The following MAPRE2 variants were observed in gnomAD, a reference collection of about 807,000 sequenced individuals.
MAPRE2 encodes microtubule-associated protein RP/EB family member 2.
MAPRE2 carries 13 observed loss-of-function variants against 43.2 expected under a neutral mutation model. That is an observed-to-expected ratio of 0.30 (90% CI 0.20 to 0.48). The LOEUF is 0.48. Among genes scored for constraint, MAPRE2 ranks in the 20% least tolerant of loss-of-function variants. The pLI is 0.99. For missense variants in MAPRE2, 161 were observed against 400.2 expected, an observed-to-expected ratio of 0.40 and a Z score of 5.10; for synonymous variants, 135 against 148.8, an observed-to-expected ratio of 0.91 and a Z score of 0.68.
intron 1 of MAPRE2, among the ~76,000 whole-genome samples, chr18:34,995,142 A>G (rs1379704916): frequency 6.6e-6 from 1 of 152,188 alleles, no homozygotes; most frequent in African/African-American, 2.4e-5. Flanking sequence ...CTCAGTTTGA[A>G]AATGCAAGTG....
chr18:35,103,790 A>G lies in MAPRE2; in HGVS notation c.610+1631A>G, dbSNP rs535962070. On this transcript the variant is annotated intron_variant, in intron 4 of 6. Coordinates refer to ENST00000300249, the MANE Select transcript of MAPRE2 (RefSeq NM_014268.4). Reference sequence around the variant, plus strand: ...AAGGTAGGGAGCATAATGGTCAACAATGTCTACATCTGCTGAGAAGTCAAG... The same window carrying G: ...AAGGTAGGGAGCATAATGGTCAACAGTGTCTACATCTGCTGAGAAGTCAAG... 1.7e-4 allele frequency among the ~76,000 whole-genome samples: 26 copies of G among 152,314 alleles called. No individual in the cohort carries two copies. In the East Asian group the frequency reaches 4.4e-3, roughly 26 times the overall value.
intron 1 of MAPRE2, among the ~76,000 whole-genome samples, chr18:34,979,742 G>A (rs189900527): frequency 2.1e-4 from 32 of 152,142 alleles, no homozygotes; most frequent in African/African-American, 7.7e-4. Context: ...AATAGAAATG[G>A]TTACACTTAA....
chr18:35,133,845 G>A (rs888029718), intron 6 of MAPRE2, among the ~76,000 whole-genome samples: 1 of 152,102 alleles, frequency 6.6e-6, no homozygotes. Flanking sequence ...TTTCCAGGGG[G>A]TCTACCTAGA....
intron 6 of MAPRE2, among the ~76,000 whole-genome samples, chr18:35,133,651 C>T (rs1910263132): frequency 6.6e-6 from 1 of 152,214 alleles, no homozygotes; most frequent in African/African-American, 2.4e-5. Context: ...TTCTTCCCAG[C>T]CCTGCACTTC....
intron 4 of MAPRE2, among the ~76,000 whole-genome samples, chr18:35,104,714 T>C (rs1242611483): frequency 6.6e-6 from 1 of 152,074 alleles, no homozygotes; most frequent in Admixed American, 6.6e-5. Flanking sequence ...TTGATGGCAG[T>C]TTAGATAGGC....
chr18:35,136,604 C>G (rs1910402097), intron 6 of MAPRE2, among the ~76,000 whole-genome samples: 1 of 152,148 alleles, frequency 6.6e-6, no homozygotes, highest in Non-Finnish European at 1.5e-5. Context: ...AGCTCTAGAG[C>G]TAAGGTAGGG....
intron 1 of MAPRE2, among the ~76,000 whole-genome samples, chr18:34,979,901 T>C (rs2150568283): frequency 6.6e-6 from 1 of 152,248 alleles, no homozygotes; most frequent in South Asian, 2.1e-4. Context: ...AAAACAAACT[T>C]TCTTTTTCTT....
Position 35,064,000 on chromosome 18 carries a change from TAAAAA to T in MAPRE2, c.123-6166_123-6162del, listed in dbSNP as rs575347953. On this transcript the variant is annotated intron_variant, in intron 1 of 6. Coordinates refer to ENST00000300249, the MANE Select transcript of MAPRE2 (RefSeq NM_014268.4). ...ACTGCCGAGTGAGACCCTGTCTCTT[TAAAAA>T]AAAAAAAAAAAAAAAAAAAAAAAAA... Among the ~76,000 whole-genome samples the T allele has an allele frequency of 5.6e-3, 189 of 33,954 alleles. 1 individual carries two copies. The highest frequency in any genetic ancestry group is 0.039 in the South Asian group (22 of 564). 22.3% of individuals were successfully genotyped at this position (33,954 alleles called of 152,430 possible).
At chr18:35,113,436 C>T (rs1197417108) in intron 4 of MAPRE2, among the ~76,000 whole-genome samples, 5 of 151,994 alleles carry the variant, frequency 3.3e-5, no homozygotes, top group Non-Finnish European at 7.4e-5. Context: ...ATTATTTTGG[C>T]TTTCTGGGTC....
intron 5 of MAPRE2, among the ~76,000 whole-genome samples, chr18:35,128,620 G>A (rs1910010659): frequency 6.6e-6 from 1 of 152,192 alleles, no homozygotes; most frequent in South Asian, 2.1e-4. Flanking sequence ...ATGCCATCTT[G>A]TATCGTCTTA....
In MAPRE2 at chr18:35,092,930, G is replaced by A. The variant is rs75183406; in HGVS notation, c.251-4516G>A. Among the ~76,000 whole-genome samples the A allele has an allele frequency of 2.8e-3, 427 of 152,210 alleles. 3 individuals carry two copies. Among genetic ancestry groups the A allele is most frequent in the African/African-American group, 0.01 (416 of 41,550 alleles). ...ATTAGAATGGCTATTATCAAAAAGA[G>A]GCCAGGCGCAGTGGCTCATGCCTGT... On this transcript the variant is annotated intron_variant, in intron 2 of 6. Transcript: ENST00000300249.
chr18:34,978,112 A>G lies in MAPRE2; in HGVS notation c.-70+1033A>G, dbSNP rs114910913. Reference sequence around the variant, plus strand: ...TCGCTGGGTCAGTAGCGCTGGGAGTAATTAATATTACGAACATTAGCCTTT... The same window carrying G: ...TCGCTGGGTCAGTAGCGCTGGGAGTGATTAATATTACGAACATTAGCCTTT... On this transcript the variant is annotated intron_variant, in intron 1 of 7. Coordinates refer to the MAPRE2 transcript ENST00000413393. 341 of 262,364 alleles carry G rather than the reference A, an allele frequency of 1.3e-3. 1 individual carries two copies. Among genetic ancestry groups the G allele is most frequent in the African/African-American group, 7.3e-3 (314 of 42,890 alleles). 16.3% of individuals were successfully genotyped at this position (262,364 alleles called of 1,614,324 possible).
intron 4 of MAPRE2, among the ~76,000 whole-genome samples, chr18:35,120,364 A>G (rs1909618744): frequency 6.6e-6 from 1 of 152,184 alleles, no homozygotes; most frequent in African/African-American, 2.4e-5. Flanking sequence ...CAGAAGTCCT[A>G]AGGGCTGTAA....
intron 2 of MAPRE2, among the ~76,000 whole-genome samples, chr18:35,074,895 T>C (rs1907272216): frequency 6.6e-6 from 1 of 152,206 alleles, no homozygotes; most frequent in African/African-American, 2.4e-5. Context: ...AAAGCTGTTA[T>C]TTTCCTGAGC....
At chr18:35,049,587 G>C (rs1905826194) in intron 1 of MAPRE2, among the ~76,000 whole-genome samples, 1 of 152,172 alleles carries the variant, frequency 6.6e-6, no homozygotes, top group Non-Finnish European at 1.5e-5. Flanking sequence ...GTGGGCGAGA[G>C]TACGTGGTGG....
intron 1 of MAPRE2, among the ~76,000 whole-genome samples, chr18:35,066,344 A>G (rs1296835209): frequency 6.6e-6 from 1 of 152,208 alleles, no homozygotes; most frequent in East Asian, 1.9e-4. Flanking sequence ...GAACCACTTT[A>G]TCTCTAAAAA....
intron 2 of MAPRE2, among the ~76,000 whole-genome samples, chr18:35,084,639 ACT>A (rs1907787255): frequency 6.6e-6 from 1 of 152,050 alleles, no homozygotes; most frequent in South Asian, 2.1e-4. Flanking sequence ...GCTTTTCAGC[ACT>A]CTCTTCAGTT....
intron 5 of MAPRE2, chr18:35,131,822 G>A (rs1371618501): frequency 1.8e-6 from 1 of 548,040 alleles, no homozygotes. Flanking sequence ...GTTGCCTGAA[G>A]GGAATGACCA....
intron 4 of MAPRE2, among the ~76,000 whole-genome samples, chr18:35,109,156 G>T (rs1230272051): frequency 1.3e-5 from 2 of 152,148 alleles, no homozygotes; most frequent in African/African-American, 4.8e-5. Flanking sequence ...TGTAAGGAAG[G>T]GGTTCAGTTT....
Sources: allele counts gnomAD v4.1 joint callset (sites outside exome capture counted in the v4.1 genomes callset), GRCh38; gene constraint gnomAD v4.1.1; transcripts MANE v1.5; gene names NCBI Gene and HGNC (gene_info 2026-07-23, HGNC 2026-07-21).